CCNI: variants seen among roughly 807,000 people sequenced by gnomAD.
The protein encoded by CCNI is cyclin-I.
In CCNI, 14 loss-of-function variants were observed where a neutral mutation model predicts 34.1. The ratio of observed to expected loss-of-function variants is 0.41; its 90% confidence interval spans 0.27 to 0.64. The LOEUF is 0.64. CCNI is among the 30% of genes least tolerant of loss of function. The pLI is 0.31. For missense variants in CCNI, 385 were observed against 440.5 expected, an observed-to-expected ratio of 0.87 and a Z score of 1.13; for synonymous variants, 154 against 158.4, an observed-to-expected ratio of 0.97 and a Z score of 0.21.
intron 1 of CCNI, among the ~76,000 whole-genome samples, chr4:77,074,439 A>G (rs531296338): frequency 7.2e-5 from 11 of 152,344 alleles, no homozygotes; most frequent in Non-Finnish European, 1.3e-4. Flanking sequence ...CTAGCAGCAG[A>G]TAACACTGCT....
intron 1 of CCNI, among the ~76,000 whole-genome samples, chr4:77,072,765 G>A (rs1374748800): frequency 5.9e-5 from 9 of 151,868 alleles, no homozygotes; most frequent in Non-Finnish European, 1.3e-4. Flanking sequence ...TAATTGGGAC[G>A]GTAGATTACA....
intron 6 of CCNI, among the ~76,000 whole-genome samples, chr4:77,051,788 A>G (rs1204302039): frequency 1.3e-5 from 2 of 152,182 alleles, no homozygotes; most frequent in Non-Finnish European, 2.9e-5. Flanking sequence ...TAAGGTGTCA[A>G]GAGAATATGT....
intron 2 of CCNI, among the ~76,000 whole-genome samples, chr4:77,061,974 C>G (rs1342586148): frequency 6.6e-6 from 1 of 152,114 alleles, no homozygotes; most frequent in East Asian, 1.9e-4. Flanking sequence ...CGGCTATGAC[C>G]TACCTCTCTA....
At chr4:77,066,191 T>C (rs1214250267) in intron 2 of CCNI, 58 bp downstream of exon 2, 5 of 1,321,742 alleles carry the variant, frequency 3.8e-6, no homozygotes, top group Non-Finnish European at 5.5e-6. Context: ...TTATTATGTA[T>C]GGCAGTAGTA....
intron 6 of CCNI, among the ~76,000 whole-genome samples, chr4:77,050,217 A>T (rs1727735696): frequency 6.6e-6 from 1 of 152,166 alleles, no homozygotes; most frequent in Admixed American, 6.5e-5. Context: ...GCTAAACACC[A>T]TCACCTTCAG....
chr4:77,065,525 G>A (rs1728970248), intron 2 of CCNI, among the ~76,000 whole-genome samples: 1 of 152,136 alleles, frequency 6.6e-6, no homozygotes, highest in Admixed American at 6.5e-5. Context: ...TCCAACATTG[G>A]TATTACCTTA....
Position 77,048,561 on chromosome 4 carries a change from G to A in CCNI, c.792C>T (p.Pro264=). 6.2e-7 allele frequency: 1 copy of A among 1,613,194 alleles called. No individual in the cohort carries two copies. Among genetic ancestry groups the A allele is most frequent in the Non-Finnish European group, 8.5e-7 (1 of 1,179,364 alleles). The change falls in exon 7 of 7, where the codon CCC becomes CCT. Residue 264 remains proline, a synonymous_variant. Coordinates refer to ENST00000237654, the MANE Select transcript of CCNI (RefSeq NM_006835.3). ...LPLNSVYVYR[P]LKHTLVTCDK... ...CACAGGTCACCAGGGTGTGCTTGAG[G>A]GGACGGTAGACATAAACGGAATTCA...
At position 77,047,280 on chromosome 4, in the gene CCNI, G is replaced by A. The variant is rs1202288242; in HGVS notation, c.*939C>T. Reference sequence around the variant, plus strand: ...AGTCATTAAAAGAAACATAAGGCTGGGGAGGCAGGGGGAGTAAGTTCTATT... The same window carrying A: ...AGTCATTAAAAGAAACATAAGGCTGAGGAGGCAGGGGGAGTAAGTTCTATT... On this transcript the variant is annotated 3_prime_UTR_variant, in exon 7 of 7. Transcript: ENST00000237654. 1 of 152,254 alleles carries A rather than the reference G, an allele frequency of 6.6e-6. No individual in the cohort carries two copies. The highest frequency in any genetic ancestry group is 1.5e-5 in the Non-Finnish European group (1 of 68,052). The allele number at this position is 152,254 out of a possible 1,614,324, so 9.4% of individuals were successfully genotyped here.
At chr4:77,053,093 G>C (rs1578233953) in intron 6 of CCNI, among the ~76,000 whole-genome samples, 2 of 152,134 alleles carry the variant, frequency 1.3e-5, no homozygotes, top group East Asian at 3.8e-4. Context: ...TCTAGCTATG[G>C]AAGGGAAAAC....
At chr4:77,064,473 T>C (rs542274305) in intron 2 of CCNI, among the ~76,000 whole-genome samples, 225 of 152,260 alleles carry the variant, frequency 1.5e-3, no homozygotes, top group Non-Finnish European at 1.4e-3. Flanking sequence ...TATTTTCTCC[T>C]GTTGTATCCC....
In CCNI at chr4:77,072,638, T is replaced by TAAAAAAAA. The variant is rs61247567; in HGVS notation, c.-44+2826_-44+2833dup. Among the ~76,000 whole-genome samples, 37 of 101,382 alleles carry TAAAAAAAA rather than the reference T, an allele frequency of 3.6e-4. 1 individual carries two copies. Among genetic ancestry groups the TAAAAAAAA allele is most frequent in the African/African-American group, 1.4e-3 (35 of 24,604 alleles). 66.5% of individuals were successfully genotyped at this position (101,382 alleles called of 152,430 possible). ...GGTAACAAAGTGAGACCCAATCTCTTAAAAAAAAAAAAAAAAAAAAAAAGA... is the reference window on the plus strand; with the variant it reads ...GGTAACAAAGTGAGACCCAATCTCTTAAAAAAAAAAAAAAAAAAAAAAAAAAAAAAAGA... On this transcript the variant is annotated intron_variant, in intron 1 of 6. Transcript: ENST00000237654.
rs756448581 is a variant in CCNI, at chr4:77,066,363, G to A, written c.-1C>T. 2 of 1,613,824 alleles carry A rather than the reference G, an allele frequency of 1.2e-6. No homozygotes were observed. The highest frequency in any genetic ancestry group is 2.2e-5 in the South Asian group (2 of 91,074). On this transcript the variant is annotated 5_prime_UTR_variant, in exon 2 of 7. Transcript: ENST00000237654. ...TTTCCAAAGGCCCTGGAAACTTCAT[G>A]ATATCCTTTGGATCTGCCTGCTACC...
chr4:77,062,502 G>C (rs1191818923), intron 2 of CCNI, among the ~76,000 whole-genome samples: 1 of 151,926 alleles, frequency 6.6e-6, no homozygotes, highest in African/African-American at 2.4e-5. Flanking sequence ...AGAGGCTGTA[G>C]TGAACTGTGA....
At position 77,048,077 on chromosome 4, in the gene CCNI, G is replaced by C. The variant is rs1020809791; in HGVS notation, c.*142C>G. 3 of 548,818 alleles carry C rather than the reference G, an allele frequency of 5.5e-6. No homozygotes were observed. The highest frequency in any genetic ancestry group is 6.4e-5 in the Admixed American group (2 of 31,334). The allele number at this position is 548,818 out of a possible 1,614,324, so 34.0% of individuals were successfully genotyped here. A position where few individuals can be genotyped will look rare whatever the true frequency, so the allele number is the denominator to read the frequency against. On this transcript the variant is annotated 3_prime_UTR_variant, in exon 7 of 7. Transcript: ENST00000237654. The stretch of plus-strand genomic sequence containing the variant: ...AATTATAATTAGCCACACAAATAAT[G>C]AGAGTTTTATTTTTTTTTTCTGGCT...
intron 2 of CCNI, among the ~76,000 whole-genome samples, chr4:77,061,200 G>T (rs1408694561): frequency 2.6e-5 from 4 of 152,328 alleles, no homozygotes; most frequent in Admixed American, 2.6e-4. Flanking sequence ...TTTAACTGAA[G>T]TAATACTGAG....
At chr4:77,066,457 T>C in intron 1 of CCNI, 52 bp from the exon 2 acceptor site, 2 of 1,370,236 alleles carry the variant, frequency 1.5e-6, no homozygotes, top group Non-Finnish European at 2.0e-6. Flanking sequence ...TGTAGCATTA[T>C]ATAAAGTACT....
intron 6 of CCNI, among the ~76,000 whole-genome samples, chr4:77,049,103 A>G (rs1727664136): frequency 1.3e-5 from 2 of 151,706 alleles, no homozygotes. Context: ...GTAAGAAGCC[A>G]AAGGGCAAAA....
At chr4:77,054,904 T>G (rs1451202306) in intron 6 of CCNI, among the ~76,000 whole-genome samples, 3 of 152,172 alleles carry the variant, frequency 2.0e-5, no homozygotes, top group African/African-American at 7.2e-5. Context: ...GACAATCTTA[T>G]GAACATTTTA....
chr4:77,070,811 GT>G (rs1729410450), intron 1 of CCNI, among the ~76,000 whole-genome samples: 1 of 152,146 alleles, frequency 6.6e-6, no homozygotes, highest in South Asian at 2.1e-4. Context: ...GAGCCCAGTA[GT>G]TCACGACCAG....
Sources: allele counts gnomAD v4.1 joint callset (sites outside exome capture counted in the v4.1 genomes callset), GRCh38; gene constraint gnomAD v4.1.1; transcripts MANE v1.5; gene names NCBI Gene and HGNC (gene_info 2026-07-23, HGNC 2026-07-21).